Variants in NFIB observed in about 807,000 individuals in gnomAD.
The protein encoded by NFIB is nuclear factor I B, also known as nuclear factor 1 B-type.
In NFIB, 11 loss-of-function variants were observed where a neutral mutation model predicts 61.5. The observed-to-expected ratio is 0.18, with a 90% CI of 0.11 to 0.30. The LOEUF is 0.30. Among genes scored for constraint, NFIB ranks in the 10% least tolerant of loss-of-function variants. The pLI, the probability that NFIB is intolerant of heterozygous loss-of-function variation, is 1.00. For synonymous variants in NFIB, 260 were observed against 216.5 expected, an observed-to-expected ratio of 1.20 and a Z score of -1.76; for missense variants, 471 against 608.9, an observed-to-expected ratio of 0.77 and a Z score of 2.38.
At chr9:14,135,351 A>G (rs1253103063) in intron 6 of NFIB, among the ~76,000 whole-genome samples, 1 of 152,234 alleles carries the variant, frequency 6.6e-6, no homozygotes, top group Non-Finnish European at 1.5e-5. Context: ...ATATTAGTTT[A>G]GGTACTGGAT....
chr9:14,313,398 C>G lies in NFIB; in HGVS notation c.30+84G>C. On this transcript the variant is annotated intron_variant, in intron 1 of 10. Transcript: ENST00000380953. This position sits in a 1 kb window ranked among gnomAD's most constrained non-coding sequence, Gnocchi z 4.5. Reference sequence around the variant, plus strand: ...GGACGGGGATGTGCGGAGGTTAACTCAAGCCGCTAATTGTCCGCAACAAAA... The same window carrying G: ...GGACGGGGATGTGCGGAGGTTAACTGAAGCCGCTAATTGTCCGCAACAAAA... The G allele has an allele frequency of 1.3e-6, 2 of 1,595,232 alleles. No homozygotes were observed. The highest frequency in any genetic ancestry group is 1.1e-5 in the South Asian group (1 of 90,468).
At position 14,084,349 on chromosome 9, in the gene NFIB, T is replaced by C. The variant is rs957361649; in HGVS notation, c.*3960A>G. 9.1e-6 allele frequency: 2 copies of C among 218,866 alleles called. No individual in the cohort carries two copies. The highest frequency in any genetic ancestry group is 1.8e-5 in the Non-Finnish European group (2 of 108,712). The allele number at this position is 218,866 out of a possible 1,614,324, so 13.6% of individuals were successfully genotyped here. A position where few individuals can be genotyped will look rare whatever the true frequency, so the allele number is the denominator to read the frequency against. ...AGTGTACAAATTACTGTCTACAAGGTAGGCGGTTCATTAAGAAGACCTTTC... is the reference window on the plus strand; with the variant it reads ...AGTGTACAAATTACTGTCTACAAGGCAGGCGGTTCATTAAGAAGACCTTTC... On this transcript the variant is annotated 3_prime_UTR_variant, in exon 11 of 11. Coordinates refer to ENST00000380953, the MANE Select transcript of NFIB (RefSeq NM_001190737.2).
chr9:14,235,196 A>AT (rs2053620336), intron 2 of NFIB, among the ~76,000 whole-genome samples: 1 of 152,208 alleles, frequency 6.6e-6, no homozygotes, highest in Non-Finnish European at 1.5e-5. Flanking sequence ...AATTCACTCC[A>AT]TCTCATTCCT....
At chr9:14,115,074 A>C (rs1280585190) in intron 9 of NFIB, among the ~76,000 whole-genome samples, 1 of 152,198 alleles carries the variant, frequency 6.6e-6, no homozygotes, top group Non-Finnish European at 1.5e-5. Context: ...GGAACTTATT[A>C]ATTGACGGGG....
intron 10 of NFIB, among the ~76,000 whole-genome samples, chr9:14,095,483 C>G (rs1402809169): frequency 2.6e-5 from 4 of 152,040 alleles, no homozygotes; most frequent in African/African-American, 9.7e-5. Flanking sequence ...CTGTATTCCT[C>G]TCTACCCTGG....
chr9:14,095,376 T>C (rs555705915), intron 10 of NFIB, among the ~76,000 whole-genome samples: 1 of 152,194 alleles, frequency 6.6e-6, no homozygotes, highest in Admixed American at 6.5e-5. Context: ...CAATTAAAAA[T>C]TATACAATTA....
At chr9:14,272,414 CATG>C (rs1309591626) in intron 2 of NFIB, among the ~76,000 whole-genome samples, 2 of 152,042 alleles carry the variant, frequency 1.3e-5, no homozygotes, top group African/African-American at 2.4e-5. Context: ...TAAATTATAA[CATG>C]ATATTTGCAT....
In NFIB at chr9:14,337,987, T is replaced by C. The variant is rs149776976; in HGVS notation, c.109-30467A>G. On this transcript the variant is annotated intron_variant, in intron 1 of 8. Coordinates refer to the NFIB transcript ENST00000380934. ...CAGTAAATGCATGTACTGGCCACTT[T>C]CCCTTTGTCCCTCTGTTCCTCGGTG... Among the ~76,000 whole-genome samples the C allele has an allele frequency of 1.9e-3, 295 of 152,338 alleles. No individual in the cohort carries two copies. In the Middle Eastern group the frequency reaches 0.041, roughly 21 times the overall value.
At chr9:14,439,359 G>C in the NFIB span, among the ~76,000 whole-genome samples, 1 of 152,282 alleles carries the variant, frequency 6.6e-6, no homozygotes, top group Non-Finnish European at 1.5e-5. Flanking sequence ...GACAGAACGA[G>C]GCACAGGCTA....
intron 2 of NFIB, among the ~76,000 whole-genome samples, chr9:14,290,052 G>C (rs1356404230): frequency 5.3e-5 from 8 of 151,962 alleles, no homozygotes; most frequent in Non-Finnish European, 5.9e-5. Context: ...CCAAATGAAA[G>C]ACCTCATGAA....
chr9:14,245,421 C>T (rs2054806095), intron 2 of NFIB, among the ~76,000 whole-genome samples: 1 of 151,846 alleles, frequency 6.6e-6, no homozygotes, highest in Non-Finnish European at 1.5e-5. Context: ...ATGCCAAGCA[C>T]CATATACTCT....
chr9:14,428,862 T>C, the NFIB span, among the ~76,000 whole-genome samples: 20 of 152,294 alleles, frequency 1.3e-4, no homozygotes, highest in African/African-American at 4.8e-4. Context: ...ATTAGGATAC[T>C]GGATGCTGAC....
At chr9:14,472,702 G>A in the NFIB span, among the ~76,000 whole-genome samples, 6 of 151,978 alleles carry the variant, frequency 3.9e-5, no homozygotes, top group South Asian at 2.1e-4. Flanking sequence ...TTAGCCGGGC[G>A]TCGTGGCGGG....
At chr9:14,423,535 C>A in the NFIB span, among the ~76,000 whole-genome samples, 1 of 152,096 alleles carries the variant, frequency 6.6e-6, no homozygotes, top group Non-Finnish European at 1.5e-5. Flanking sequence ...AAGAAAAGTT[C>A]GAAGAGGTAA....
At chr9:14,489,677 C>T in the NFIB span, among the ~76,000 whole-genome samples, 1 of 152,044 alleles carries the variant, frequency 6.6e-6, no homozygotes, top group Non-Finnish European at 1.5e-5. Context: ...CAGAGATAGT[C>T]TACAAAAATA....
At chr9:14,202,128 T>TCCCA (rs148085046) in intron 2 of NFIB, among the ~76,000 whole-genome samples, 1 of 147,078 alleles carries the variant, frequency 6.8e-6, no homozygotes, top group Admixed American at 6.8e-5. Context: ...TTGATACTTT[T>TCCCA]CACACACACA....
At chr9:14,469,031 A>G in the NFIB span, among the ~76,000 whole-genome samples, 1 of 152,184 alleles carries the variant, frequency 6.6e-6, no homozygotes, top group Non-Finnish European at 1.5e-5. Flanking sequence ...GGCAGGCACA[A>G]CAATGCCCAC....
intron 2 of NFIB, among the ~76,000 whole-genome samples, chr9:14,298,375 AG>A (rs2059563383): frequency 6.6e-6 from 1 of 152,210 alleles, no homozygotes; most frequent in Non-Finnish European, 1.5e-5. Context: ...AATGCTGAAA[AG>A]TAATTATTAA....
intron 2 of NFIB, among the ~76,000 whole-genome samples, chr9:14,206,927 T>G (rs2049801684): frequency 6.6e-6 from 1 of 152,158 alleles, no homozygotes; most frequent in Non-Finnish European, 1.5e-5. Flanking sequence ...AAATGGTGAT[T>G]AGCTGTGTAA....
Sources: allele counts gnomAD v4.1 joint callset (sites outside exome capture counted in the v4.1 genomes callset), GRCh38; gene constraint gnomAD v4.1.1; non-coding constraint Gnocchi (gnomAD v3.1); transcripts MANE v1.5; gene names NCBI Gene and HGNC (gene_info 2026-07-23, HGNC 2026-07-21).